The following SLC24A3 variants were observed in gnomAD, a reference collection of about 807,000 sequenced individuals.
SLC24A3 encodes the protein solute carrier family 24 member 3.
In SLC24A3, 28 loss-of-function variants were observed where a neutral mutation model predicts 75.8. The ratio of observed to expected loss-of-function variants is 0.37; its 90% CI spans 0.27 to 0.51. The LOEUF (loss-of-function observed/expected upper bound fraction) is 0.51. Among genes scored for constraint, SLC24A3 ranks in the 20% least tolerant of loss-of-function variants. The probability of loss-of-function intolerance (pLI) is 0.94; values close to 1 mark genes in which losing one functional copy is unlikely to be tolerated. For missense variants in SLC24A3, 663 were observed against 847.8 expected (o/e 0.78, Z 2.71); for synonymous variants, 372 against 334.1 (o/e 1.11, Z -1.24).
chr20:19,672,359 G>T (rs559961048), intron 8 of SLC24A3, among the ~76,000 whole-genome samples: 1 of 152,236 alleles, frequency 6.6e-6, no homozygotes, highest in African/African-American at 2.4e-5. Context: ...ATGGAAGAAA[G>T]GGTTTTACTG....
intron 3 of SLC24A3, among the ~76,000 whole-genome samples, chr20:19,534,531 C>T (rs1050082700): frequency 6.6e-6 from 1 of 151,754 alleles, no homozygotes; most frequent in African/African-American, 2.4e-5. Context: ...CTGCCTCAGC[C>T]TCCTGAGTAG....
At chr20:19,631,071 C>G (rs949731782) in intron 6 of SLC24A3, among the ~76,000 whole-genome samples, 5 of 151,990 alleles carry the variant, frequency 3.3e-5, no homozygotes, top group African/African-American at 1.2e-4. Context: ...GTGTTGGGCA[C>G]AGTGGCTCAT....
rs145075283 is a variant in SLC24A3, at chr20:19,668,275, A to T, written c.713+2386A>T. The stretch of plus-strand genomic sequence containing the variant: ...ATTTCAACTTCTCATTTAATGGATG[A>T]AAAATAATGGAAGTTTAAGAATTTT... On this transcript the variant is annotated intron_variant, in intron 8 of 16. Coordinates refer to ENST00000328041, the MANE Select transcript of SLC24A3 (RefSeq NM_020689.4). Among the ~76,000 whole-genome samples, 566 of 152,316 alleles carry T rather than the reference A, an allele frequency of 3.7e-3. 5 individuals are homozygous for T. The highest frequency in any genetic ancestry group is 0.013 in the African/African-American group (521 of 41,558).
At chr20:19,542,900 A>T (rs2030525573) in intron 3 of SLC24A3, among the ~76,000 whole-genome samples, 1 of 152,196 alleles carries the variant, frequency 6.6e-6, no homozygotes, top group Non-Finnish European at 1.5e-5. Context: ...TCCTTAACAG[A>T]GTGACCTAGG....
At chr20:19,659,910 G>T (rs1417360241) in intron 7 of SLC24A3, among the ~76,000 whole-genome samples, 1 of 152,158 alleles carries the variant, frequency 6.6e-6, no homozygotes, top group Non-Finnish European at 1.5e-5. Flanking sequence ...CCCCCTGCTA[G>T]AATTTTTTCA....
intron 2 of SLC24A3, among the ~76,000 whole-genome samples, chr20:19,384,258 C>A (rs530821306): frequency 6.6e-6 from 1 of 152,294 alleles, no homozygotes; most frequent in South Asian, 2.1e-4. Flanking sequence ...AGTCATCATG[C>A]TATACGTTAA....
At chr20:19,679,606 G>A (rs1249704294) in intron 9 of SLC24A3, among the ~76,000 whole-genome samples, 2 of 151,568 alleles carry the variant, frequency 1.3e-5, no homozygotes, top group Non-Finnish European at 2.9e-5. Context: ...GAGAGGGAGA[G>A]GGAGACTCAC....
intron 2 of SLC24A3, among the ~76,000 whole-genome samples, chr20:19,429,323 C>A (rs1987063456): frequency 1.3e-5 from 2 of 152,196 alleles, no homozygotes; most frequent in South Asian, 4.1e-4. Context: ...TTTGTATGCT[C>A]AACCTAATTA....
intron 3 of SLC24A3, among the ~76,000 whole-genome samples, chr20:19,524,347 G>A (rs548649558): frequency 5.3e-5 from 8 of 152,266 alleles, no homozygotes; most frequent in African/African-American, 7.2e-5. Flanking sequence ...GTCCCTCCTC[G>A]ACATCCACAG....
chr20:19,339,160 A>G (rs1985208587), intron 2 of SLC24A3, among the ~76,000 whole-genome samples: 1 of 152,176 alleles, frequency 6.6e-6, no homozygotes, highest in African/African-American at 2.4e-5. Context: ...GCTTCCTTTT[A>G]TACCCTCCCT....
In SLC24A3 at chr20:19,721,079, C is replaced by G. The variant is rs1156969743; in HGVS notation, c.1874C>G (p.Ser625Cys). 1.2e-6 allele frequency: 2 copies of G among 1,614,038 alleles called. No homozygotes were observed. Among genetic ancestry groups the G allele is most frequent in the African/African-American group, 2.7e-5 (2 of 74,904 alleles). The change falls in exon 17 of 17, where the codon TCC becomes TGC. Residue 625 changes from serine (S) to cysteine (C), a missense_variant. Ser to Cys is a moderately radical substitution (Grantham distance 112). Coordinates refer to ENST00000328041, the MANE Select transcript of SLC24A3 (RefSeq NM_020689.4). ...CTGTATGGTGTGTTCCTGTGCTTCTCCATCATGACTGAGTTCAACGTGTTC... is the reference window on the plus strand; with the variant it reads ...CTGTATGGTGTGTTCCTGTGCTTCTGCATCATGACTGAGTTCAACGTGTTC... ...LLLYGVFLCF[S>C]IMTEFNVFTF...
chr20:19,218,067 G>A (rs567154208), intron 1 of SLC24A3, among the ~76,000 whole-genome samples: 3 of 152,270 alleles, frequency 2.0e-5, no homozygotes, highest in African/African-American at 7.2e-5. Flanking sequence ...TGGCCCCATA[G>A]TAGGAGCTCA....
At chr20:19,311,754 C>A (rs1457137925) in intron 2 of SLC24A3, among the ~76,000 whole-genome samples, 1 of 152,062 alleles carries the variant, frequency 6.6e-6, no homozygotes, top group African/African-American at 2.4e-5. Context: ...GTATGCAGCT[C>A]TCTTTTTTCC....
At chr20:19,608,339 G>A (rs2031625685) in intron 6 of SLC24A3, among the ~76,000 whole-genome samples, 1 of 152,194 alleles carries the variant, frequency 6.6e-6, no homozygotes, top group Non-Finnish European at 1.5e-5. Flanking sequence ...AGCAACATAA[G>A]ATTTAAATAC....
rs1382933292 is a variant in SLC24A3 at position 19,586,597 on chromosome 20, G to A, written c.612+1053G>A. On this transcript the variant is annotated intron_variant, in intron 6 of 16. Coordinates refer to ENST00000328041, the MANE Select transcript of SLC24A3 (RefSeq NM_020689.4). Reference sequence around the variant, plus strand: ...GGCACCCCATGCTGCCCGTTCCACTGATGTAGACTCGAGGGTCTCCATGCA... The same window carrying A: ...GGCACCCCATGCTGCCCGTTCCACTAATGTAGACTCGAGGGTCTCCATGCA... Among the ~76,000 whole-genome samples the A allele has an allele frequency of 2.0e-5, 3 of 152,298 alleles. 1 individual carries two copies. The East Asian group carries it at 5.8e-4, about 29-fold the overall frequency.
At chr20:19,338,392 C>T (rs749255500) in intron 2 of SLC24A3, among the ~76,000 whole-genome samples, 8 of 152,162 alleles carry the variant, frequency 5.3e-5, no homozygotes, top group Non-Finnish European at 7.3e-5. Flanking sequence ...TTCCACAGCC[C>T]TTGGATTGGT....
At chr20:19,624,787 G>A (rs1285561786) in intron 6 of SLC24A3, among the ~76,000 whole-genome samples, 1 of 152,218 alleles carries the variant, frequency 6.6e-6, no homozygotes, top group Non-Finnish European at 1.5e-5. Flanking sequence ...TGAGCAGGCA[G>A]TCAGTCATAC....
intron 3 of SLC24A3, among the ~76,000 whole-genome samples, chr20:19,575,179 T>G (rs1351658364): frequency 7.1e-6 from 1 of 141,692 alleles, no homozygotes; most frequent in Non-Finnish European, 1.5e-5. Context: ...TTGAGTCTGG[T>G]GGAACAAAGC....
intron 2 of SLC24A3, among the ~76,000 whole-genome samples, chr20:19,501,119 G>A (rs890201487): frequency 6.6e-6 from 1 of 152,166 alleles, no homozygotes; most frequent in Non-Finnish European, 1.5e-5. Context: ...CAAACTCATA[G>A]GTTCTGAGGA....
Sources: allele counts gnomAD v4.1 joint callset (sites outside exome capture counted in the v4.1 genomes callset), GRCh38; gene constraint gnomAD v4.1.1; transcripts MANE v1.5; gene names NCBI Gene and HGNC (gene_info 2026-07-23, HGNC 2026-07-21).